Variants in DMBT1 observed in about 807,000 individuals in gnomAD.
DMBT1 encodes deleted in malignant brain tumors 1.
DMBT1 carries 198 observed loss-of-function variants against 252.9 expected under a neutral mutation model. That is an observed-to-expected ratio of 0.78 (90% CI 0.70 to 0.88). The LOEUF is 0.88. DMBT1 is among the 40% of genes least tolerant of loss of function. DMBT1 has a pLI of 0.00. For missense variants in DMBT1, 2,432 were observed against 2,404.7 expected, an observed-to-expected ratio of 1.01 and a Z score of -0.24; for synonymous variants, 990 against 942.7, an observed-to-expected ratio of 1.05 and a Z score of -0.92.
Position 122,576,410 on chromosome 10 carries a change from G to A in DMBT1, c.295G>A (p.Gly99Ser), listed in dbSNP as rs754405043. 5 of 1,613,682 alleles carry A rather than the reference G, an allele frequency of 3.1e-6. No individual in the cohort carries two copies. The highest frequency in any genetic ancestry group is 4.2e-6 in the Non-Finnish European group (5 of 1,179,794). Residue 99 changes from glycine (G) to serine (S), a missense_variant, in exon 7 of 56, where the codon GGT becomes AGT. By Grantham distance (56) the Gly-to-Ser change is moderately conservative. Transcript: ENST00000338354. The stretch of plus-strand genomic sequence containing the variant: ...GTGCCTTCCTCTAGGATCTGATTCT[G>A]GTTTGGCCCTGAGGCTGGTGAATGG... ...ESTVAEGSDS[G>S]LALRLVNGDG... is the part of the protein sequence containing the mutation.
rs754452282 is a variant in DMBT1, at chr10:122,597,503, AC to A, written c.2917+453del. On this transcript the variant is annotated intron_variant, in intron 24 of 55. Coordinates refer to ENST00000338354, the MANE Select transcript of DMBT1 (RefSeq NM_001377530.1). Reference sequence around the variant, plus strand: ...ACCTCCCTTCCTCACTCCTTCCAACACCCCAGATTCTGCAGGGCTACATGTG... The same window carrying A: ...ACCTCCCTTCCTCACTCCTTCCAACACCCAGATTCTGCAGGGCTACATGTG... 3.6e-4 allele frequency among the ~76,000 whole-genome samples: 54 copies of A among 151,972 alleles called. 1 individual carries two copies. The South Asian group carries it at 5.9e-3, about 17-fold the overall frequency.
chr10:122,637,395 A>G, intron 54 of DMBT1, 83 bp downstream of exon 54: 1 of 1,381,084 alleles, frequency 7.2e-7, no homozygotes, highest in African/African-American at 1.5e-5. Flanking sequence ...AATTCTGGGG[A>G]TGAAGAAATT....
intron 53 of DMBT1, 34 bp from the exon 54 acceptor site, chr10:122,637,094 G>A (rs745441093): frequency 1.2e-6 from 2 of 1,601,348 alleles, no homozygotes; most frequent in Middle Eastern, 1.7e-4. Flanking sequence ...GTCTGGGGCA[G>A]TGACTGAGTG....
intron 1 of DMBT1, among the ~76,000 whole-genome samples, chr10:122,563,467 G>A (rs969312036): frequency 6.6e-6 from 1 of 152,044 alleles, no homozygotes; most frequent in Non-Finnish European, 1.5e-5. Context: ...AGTAAACTTA[G>A]TAGGAAGGTA....
rs1335505499 is a variant in DMBT1, at chr10:122,586,345, A to T, written c.1745A>T (p.Asn582Ile). The T allele has an allele frequency of 6.3e-7, 1 of 1,588,456 alleles. No homozygotes were observed. Among genetic ancestry groups the T allele is most frequent in the Non-Finnish European group, 8.6e-7 (1 of 1,165,792 alleles). Reference sequence around the variant, plus strand: ...CCCCACAATGGCTGGCTCTCCCATAACTGTGGCCATAGTGAAGACGCTGGT... The same window carrying T: ...CCCCACAATGGCTGGCTCTCCCATATCTGTGGCCATAGTGAAGACGCTGGT... ...SCPHNGWLSH[N>I]CGHSEDAGVI... Residue 582 changes from asparagine (N) to isoleucine (I), a missense_variant, in exon 16 of 56, where the codon AAC becomes ATC. Asn to Ile is a moderately radical substitution (Grantham distance 149). Coordinates refer to ENST00000338354, the MANE Select transcript of DMBT1 (RefSeq NM_001377530.1).
chr10:122,601,878 C>A lies in DMBT1; in HGVS notation c.3425C>A (p.Ser1142Tyr), dbSNP rs1438923406. The A allele has an allele frequency of 2.1e-6, 3 of 1,449,542 alleles. No individual in the cohort carries two copies. Among genetic ancestry groups the A allele is most frequent in the Non-Finnish European group, 2.7e-6 (3 of 1,104,860 alleles). 89.8% of individuals were successfully genotyped at this position (1,449,542 alleles called of 1,614,324 possible). The change falls in exon 29 of 56, where the codon TCC becomes TAC. Residue 1142 changes from serine (S) to tyrosine (Y), a missense_variant. Around this residue, in one of 3 missense-constraint regions of DMBT1, gnomAD observed 6 missense variants for 153.4 expected, o/e 0.04. Transcript: ENST00000338354. ...CGAGTGGAGGTCCTATACCGAGGCT[C>A]CTGGGGCACCGTGTGTGATGACTAC... is the stretch of plus-strand genomic sequence containing the variant. ...QGRVEVLYRG[S>Y]WGTVCDDYWD...
At chr10:122,628,146 G>T (rs140858414) in intron 46 of DMBT1, among the ~76,000 whole-genome samples, 486 of 152,304 alleles carry the variant, frequency 3.2e-3, no homozygotes, top group African/African-American at 0.011. Context: ...GTCACCATAT[G>T]ACCCAGCAGT....
At chr10:122,572,387 A>G in intron 5 of DMBT1, 26 bp downstream of exon 5, 1 of 1,611,114 alleles carries the variant, frequency 6.2e-7, no homozygotes, top group Non-Finnish European at 8.5e-7. Context: ...GGGGAGCTCT[A>G]TGGGCTCATT....
chr10:122,626,073 A>C, intron 46 of DMBT1, 108 bp downstream of exon 46: 1 of 890,160 alleles, frequency 1.1e-6, no homozygotes, highest in Non-Finnish European at 1.9e-6. Context: ...CTCAATCTGC[A>C]CATAGCCCTG....
chr10:122,600,280 G>C lies in DMBT1; in HGVS notation c.3310+187G>C, dbSNP rs567066425. 1.5e-4 allele frequency among the ~76,000 whole-genome samples: 22 copies of C among 150,884 alleles called. No homozygotes were observed. In the East Asian group the frequency reaches 4.3e-3, roughly 29 times the overall value. On this transcript the variant is annotated intron_variant, in intron 27 of 55. Transcript: ENST00000338354. The stretch of plus-strand genomic sequence containing the variant: ...TTTAAACACACACAGGATTGAGGAG[G>C]CCTCTGTCTTCTTTTCAACCCCTCT...
rs530719018 is a variant in DMBT1 at position 122,591,012 on chromosome 10, C to A, written c.2137+318C>A. On this transcript the variant is annotated intron_variant, in intron 18 of 55. Coordinates refer to ENST00000338354, the MANE Select transcript of DMBT1 (RefSeq NM_001377530.1). ...CATTCCTCACTCCTTCAGACACCCC[C>A]AGATGCGGCAGGGCCCCATCTACCT... Among the ~76,000 whole-genome samples, 13 of 148,766 alleles carry A rather than the reference C, an allele frequency of 8.7e-5. 4 individuals carry two copies. The South Asian group carries it at 2.0e-3, about 23-fold the overall frequency.
chr10:122,578,835 T>C, intron 9 of DMBT1, 76 bp downstream of exon 9: 1 of 1,416,466 alleles, frequency 7.1e-7, no homozygotes, highest in Non-Finnish European at 9.8e-7. Context: ...AGTTCACTTA[T>C]GATTGCCATA....
At chr10:122,573,965 C>T (rs776862468) in intron 6 of DMBT1, among the ~76,000 whole-genome samples, 11 of 152,146 alleles carry the variant, frequency 7.2e-5, no homozygotes, top group Admixed American at 1.3e-4. Context: ...AACTTGAAGA[C>T]GCGTCTCCAA....
intron 6 of DMBT1, 70 bp from the exon 7 acceptor site, chr10:122,576,329 A>G (rs1393468685): frequency 6.4e-7 from 1 of 1,573,796 alleles, no homozygotes; most frequent in East Asian, 2.2e-5. Context: ...AAGACCCTGA[A>G]TGCCCTGCAG....
At chr10:122,621,900 C>T (rs2098073535) in intron 44 of DMBT1, among the ~76,000 whole-genome samples, 1 of 152,196 alleles carries the variant, frequency 6.6e-6, no homozygotes, top group Non-Finnish European at 1.5e-5. Flanking sequence ...GTTTCAGCTC[C>T]TTCCAAAGAA....
At chr10:122,638,321 C>T (rs1324934478) in intron 54 of DMBT1, among the ~76,000 whole-genome samples, 1 of 152,232 alleles carries the variant, frequency 6.6e-6, no homozygotes, top group African/African-American at 2.4e-5. Flanking sequence ...TCGTTCACAC[C>T]CATTCACACC....
At chr10:122,593,662 C>T in intron 21 of DMBT1, 64 bp downstream of exon 21, 7 of 1,458,046 alleles carry the variant, frequency 4.8e-6, no homozygotes, top group South Asian at 1.3e-5. Context: ...CCCTTCCACA[C>T]TCCACAGAGC....
At chr10:122,619,117 G>A (rs1377291055) in intron 41 of DMBT1, among the ~76,000 whole-genome samples, 191 bp from the exon 42 acceptor site, 2 of 152,196 alleles carry the variant, frequency 1.3e-5, no homozygotes, top group African/African-American at 4.8e-5. Flanking sequence ...GCTGACAATA[G>A]TGGCCAGGAT....
In DMBT1 at chr10:122,631,113, C is replaced by G. The variant is rs369485069; in HGVS notation, c.6178C>G (p.Arg2060Gly). The G allele has an allele frequency of 6.2e-7, 1 of 1,613,846 alleles. No individual in the cohort carries two copies. The highest frequency in any genetic ancestry group is 1.1e-5 in the South Asian group (1 of 91,072). Residue 2060 changes from arginine (R) to glycine (G), a missense_variant, in exon 49 of 56, where the codon CGT becomes GGT. Transcript: ENST00000338354. The stretch of plus-strand genomic sequence containing the variant: ...GGTCTGCAGACAGCTAGGGTGTGGA[C>G]GTGCAGTTTCAGCCCTTGGAAATGC... ...EVVCRQLGCG[R>G]AVSALGNAYF...
Sources: allele counts gnomAD v4.1 joint callset (sites outside exome capture counted in the v4.1 genomes callset), GRCh38; gene constraint gnomAD v4.1.1; regional missense constraint gnomAD v4.1.1; transcripts MANE v1.5; gene names NCBI Gene and HGNC (gene_info 2026-07-23, HGNC 2026-07-21).